The following ZNF143 variants were observed in gnomAD, a reference collection of about 807,000 sequenced individuals.
The protein encoded by ZNF143 is SPH-binding factor.
Under a neutral mutation model 74.1 loss-of-function variants are expected in ZNF143, and 49 were observed. That is an observed-to-expected ratio of 0.66 (90% CI 0.53 to 0.84). The LOEUF (loss-of-function observed/expected upper bound fraction) is 0.84. Among genes scored for constraint, ZNF143 ranks in the 40% least tolerant of loss-of-function variants. The pLI, the probability that ZNF143 is intolerant of heterozygous loss-of-function variation, is 0.00. For missense variants in ZNF143, 637 were observed against 793.4 expected (o/e 0.80, Z 2.37); for synonymous variants, 304 against 282.8 (o/e 1.07, Z -0.75).
chr11:9,467,354 G>C (rs973486444), intron 1 of ZNF143, among the ~76,000 whole-genome samples: 1 of 151,598 alleles, frequency 6.6e-6, no homozygotes, highest in African/African-American at 2.4e-5. Flanking sequence ...TCCTGCCTCA[G>C]CTGGGAGTAG....
intron 13 of ZNF143, among the ~76,000 whole-genome samples, chr11:9,515,033 CAGG>C (rs533433940): frequency 7.1e-4 from 108 of 151,866 alleles, no homozygotes; most frequent in Non-Finnish European, 1.3e-3. Context: ...GAGGCTGAGG[CAGG>C]AGAATTGCTT....
intron 13 of ZNF143, among the ~76,000 whole-genome samples, chr11:9,513,694 G>A (rs1589939842): frequency 6.6e-6 from 1 of 152,332 alleles, no homozygotes; most frequent in East Asian, 1.9e-4. Context: ...TCAGGAGTTT[G>A]AGACCAGCCT....
In ZNF143 at chr11:9,471,414, G is replaced by T. The variant is rs61747610; in HGVS notation, c.106G>T (p.Val36Leu). Reference sequence around the variant, plus strand: ...GCTGTGCTTGACAGAGGCAGTCACCGTGGCAGGTGAGCAGTTGTGTTTGAA... The same window carrying T: ...GCTGTGCTTGACAGAGGCAGTCACCTTGGCAGGTGAGCAGTTGTGTTTGAA... ...VTLCLTEAVT[V>L]ADGDNLENME... The change falls in exon 2 of 16, where the codon GTG becomes TTG. Residue 36 changes from valine (V) to leucine (L), a missense_variant. Around this residue, in one of 2 missense-constraint regions of ZNF143, gnomAD observed 293 missense variants for 307.8 expected, o/e 0.95. Coordinates refer to ENST00000396602, the MANE Select transcript of ZNF143 (RefSeq NM_003442.6). The T allele has an allele frequency of 4.4e-6, 7 of 1,597,762 alleles. No homozygotes were observed. Among genetic ancestry groups the T allele is most frequent in the African/African-American group, 1.3e-5 (1 of 74,148 alleles).
chr11:9,524,490 T>G (rs544213193), intron 14 of ZNF143, among the ~76,000 whole-genome samples: 1 of 152,350 alleles, frequency 6.6e-6, no homozygotes, highest in South Asian at 2.1e-4. Flanking sequence ...TAGCTTAAAA[T>G]GTAGCATTTT....
At chr11:9,477,288 C>G (rs1856989551) in intron 5 of ZNF143, among the ~76,000 whole-genome samples, 1 of 137,008 alleles carries the variant, frequency 7.3e-6, no homozygotes, top group Non-Finnish European at 1.6e-5. Context: ...CAGAGTCTTG[C>G]TCTGTCACCA....
intron 7 of ZNF143, among the ~76,000 whole-genome samples, chr11:9,486,929 A>G (rs145203474): frequency 0.015 from 2,198 of 148,072 alleles, 40 homozygotes; most frequent in Non-Finnish European, 0.024. Context: ...CAGCCTCCCA[A>G]AGTGCTGGGA....
intron 1 of ZNF143, chr11:9,461,880 T>C (rs1424862727): frequency 4.6e-5 from 7 of 152,240 alleles, no homozygotes; most frequent in Non-Finnish European, 1.0e-4. Flanking sequence ...CAGCCCATTA[T>C]TTGTTTAAAA....
In ZNF143 at chr11:9,474,541, G is replaced by T; in HGVS notation, c.290-9G>T. The T allele has an allele frequency of 6.2e-7, 1 of 1,614,066 alleles. No homozygotes were observed. On this transcript the variant is annotated splice_polypyrimidine_tract_variant and intron_variant, in intron 4 of 15. Coordinates refer to ENST00000396602, the MANE Select transcript of ZNF143 (RefSeq NM_003442.6). ...AACATGAGATCTAAATGTAAGCATTGTTCTTGAGCAGGGGACAGTTTGCGT... is the reference window on the plus strand; with the variant it reads ...AACATGAGATCTAAATGTAAGCATTTTTCTTGAGCAGGGGACAGTTTGCGT...
At chr11:9,499,129 T>C (rs1848068030) in intron 10 of ZNF143, among the ~76,000 whole-genome samples, 1 of 152,240 alleles carries the variant, frequency 6.6e-6, no homozygotes, top group South Asian at 2.1e-4. Flanking sequence ...AGTATTCATT[T>C]GTCAAACCAC....
intron 14 of ZNF143, among the ~76,000 whole-genome samples, chr11:9,523,273 TG>T (rs1274811719): frequency 1.4e-4 from 21 of 152,324 alleles, no homozygotes; most frequent in Non-Finnish European, 1.5e-5. Flanking sequence ...TATTTAGTCC[TG>T]GGACGTAATC....
chr11:9,523,623 A>G (rs1364132880), intron 14 of ZNF143, among the ~76,000 whole-genome samples: 1 of 151,876 alleles, frequency 6.6e-6, no homozygotes, highest in Non-Finnish European at 1.5e-5. Context: ...AGTCCCAGCT[A>G]CTCGGGAGGC....
chr11:9,502,771 C>T (rs574719009), intron 11 of ZNF143, among the ~76,000 whole-genome samples: 29 of 151,948 alleles, frequency 1.9e-4, no homozygotes, highest in Middle Eastern at 3.4e-3. Context: ...TAAGCAATCA[C>T]GAATCTACTT....
chr11:9,462,439 C>CT (rs1299028132), intron 1 of ZNF143, among the ~76,000 whole-genome samples: 2 of 151,918 alleles, frequency 1.3e-5, no homozygotes, highest in Non-Finnish European at 2.9e-5. Context: ...CAGCGTGTGC[C>CT]TGTAGTCCCA....
chr11:9,475,924 G>A (rs879273290), intron 5 of ZNF143, among the ~76,000 whole-genome samples: 15,876 of 150,068 alleles, frequency 0.11, 1,084 homozygotes, highest in Non-Finnish European at 0.15. Context: ...GTGTGTGTGT[G>A]TGTGTGTGTG....
chr11:9,466,298 C>A (rs755430437), intron 1 of ZNF143, among the ~76,000 whole-genome samples: 2 of 134,988 alleles, frequency 1.5e-5, no homozygotes, highest in Admixed American at 1.5e-4. Flanking sequence ...TTTTTCTTTT[C>A]TTTTCTTTTT....
At position 9,474,009 on chromosome 11, in the gene ZNF143, C is replaced by G. The variant is rs751740278; in HGVS notation, c.274C>G (p.Pro92Ala). The part of the protein sequence containing the change: ...DGSAAYVQHV[P>A]IPKSTGDSLR... ...TTCTGCGGCCTATGTTCAACATGTACCCATACCTAAAAGTAGTAAGTATTT... is the reference window on the plus strand; with the variant it reads ...TTCTGCGGCCTATGTTCAACATGTAGCCATACCTAAAAGTAGTAAGTATTT... The change falls in exon 4 of 16, where the codon CCC (proline) becomes GCC (alanine). Residue 92 changes from proline to alanine, a missense_variant. This residue lies in a region of ZNF143 where 293 missense variants were observed against 307.8 expected (regional missense o/e 0.95). Coordinates refer to ENST00000396602, the MANE Select transcript of ZNF143 (RefSeq NM_003442.6). 2 of 1,612,588 alleles carry G rather than the reference C, an allele frequency of 1.2e-6. No homozygotes were observed. The highest frequency in any genetic ancestry group is 1.7e-6 in the Non-Finnish European group (2 of 1,178,790).
At position 9,494,723 on chromosome 11, in the gene ZNF143, T is replaced by C; in HGVS notation, c.723T>C (p.Tyr241=). The C allele has an allele frequency of 6.2e-6, 10 of 1,613,348 alleles. No individual in the cohort carries two copies. Among genetic ancestry groups the C allele is most frequent in the Non-Finnish European group, 8.5e-6 (10 of 1,179,262 alleles). The part of the protein sequence containing the change: ...QSGEKAFRCE[Y]DGCGKLYTTA... ...GAGAGAAGGCATTTCGATGTGAATA[T>C]GATGGATGTGGAAAATTATATACAA... The change falls in exon 8 of 16, where the codon TAT becomes TAC. Residue 241 remains tyrosine, a synonymous_variant. Transcript: ENST00000396602.
intron 7 of ZNF143, among the ~76,000 whole-genome samples, chr11:9,482,922 T>C (rs1847304981): frequency 6.6e-6 from 1 of 151,576 alleles, no homozygotes; most frequent in African/African-American, 2.4e-5. Flanking sequence ...AAATAATTAC[T>C]ATTAATTTCA....
intron 1 of ZNF143, among the ~76,000 whole-genome samples, chr11:9,466,888 T>TTTTG (rs1554960304): frequency 6.6e-6 from 1 of 151,404 alleles, no homozygotes. Context: ...TGGTTTTTTT[T>TTTTG]TGTGTGTGTG....
Sources: gnomAD v4.1 joint callset for allele counts (sites outside exome capture counted in the v4.1 genomes callset) on GRCh38, gnomAD v4.1.1 for gene constraint, gnomAD v4.1.1 regional missense constraint, MANE v1.5 for transcripts, NCBI Gene and HGNC (gene_info 2026-07-23, HGNC 2026-07-21) for gene names.